Variants in CINP observed in about 807,000 individuals in gnomAD.
CINP encodes cyclin-dependent kinase 2-interacting protein.
In CINP, 11 loss-of-function variants were observed where a neutral mutation model predicts 20.5. That is an observed-to-expected ratio of 0.54 (90% CI 0.34 to 0.89). CINP has a LOEUF of 0.89. Among genes scored for constraint, CINP ranks in the 40% least tolerant of loss-of-function variants. The pLI is 0.02. For synonymous variants in CINP, 108 were observed against 102.1 expected, an observed-to-expected ratio of 1.06 and a Z score of -0.35; for missense variants, 213 against 251.0, an observed-to-expected ratio of 0.85 and a Z score of 1.02.
intron 3 of CINP, among the ~76,000 whole-genome samples, chr14:102,354,965 A>T (rs1224726525): frequency 6.6e-6 from 1 of 151,520 alleles, no homozygotes; most frequent in Non-Finnish European, 1.5e-5. Context: ...GCTACCTGGG[A>T]GGCTAAGGCA....
At chr14:102,354,276 A>G (rs1239154662) in intron 3 of CINP, among the ~76,000 whole-genome samples, 1 of 152,192 alleles carries the variant, frequency 6.6e-6, no homozygotes, top group African/African-American at 2.4e-5. Context: ...TTAGTCTCTT[A>G]CGTGCTGTAT....
At chr14:102,362,767 A>G (rs1887200157) in intron 1 of CINP, 78 bp downstream of exon 1, 2 of 1,583,572 alleles carry the variant, frequency 1.3e-6, no homozygotes, top group African/African-American at 1.3e-5. Context: ...GGAGCTCCTG[A>G]GCTTCTGGTC....
rs754519048 is a variant in CINP at position 102,351,575 on chromosome 14, A to T, written c.307-1527T>A. Among the ~76,000 whole-genome samples, 3 of 152,226 alleles carry T rather than the reference A, an allele frequency of 2.0e-5. No individual in the cohort carries two copies. Among genetic ancestry groups the T allele is most frequent in the Non-Finnish European group, 4.4e-5 (3 of 68,038 alleles). On this transcript the variant is annotated intron_variant, in intron 3 of 4. Coordinates refer to ENST00000216756, the MANE Select transcript of CINP (RefSeq NM_032630.3). This position sits in a 1 kb window ranked among gnomAD's most constrained non-coding sequence, Gnocchi z 4.2. Reference sequence around the variant, plus strand: ...AGTTGACTTTACATACATAAATATGAAAAAGGGGAAATAAGAAAAGATATA... The same window carrying T: ...AGTTGACTTTACATACATAAATATGTAAAAGGGGAAATAAGAAAAGATATA...
In CINP at chr14:102,356,264, T is replaced by C. The variant is rs1481192838; in HGVS notation, c.177-367A>G. Among the ~76,000 whole-genome samples, 104 of 151,836 alleles carry C rather than the reference T, an allele frequency of 6.8e-4. 1 individual carries two copies. On this transcript the variant is annotated intron_variant, in intron 2 of 4. Coordinates refer to ENST00000216756, the MANE Select transcript of CINP (RefSeq NM_032630.3). ...ACCTCATCTCCACAAAAATTAAAAG[T>C]AAAAATTAGCTGGGCATGGTGGGAC...
rs1567305873 is a variant in CINP, at chr14:102,355,823, T to C, written c.251A>G (p.Tyr84Cys). 1 of 1,614,228 alleles carries C rather than the reference T, an allele frequency of 6.2e-7. No individual in the cohort carries two copies. Among genetic ancestry groups the C allele is most frequent in the Non-Finnish European group, 8.5e-7 (1 of 1,180,026 alleles). Residue 84 changes from tyrosine (Y) to cysteine (C), a missense_variant, in exon 3 of 5, where the codon TAT (tyrosine) becomes TGT (cysteine). Physicochemically the swap from Tyr to Cys is radical, Grantham distance 194. Coordinates refer to ENST00000216756, the MANE Select transcript of CINP (RefSeq NM_032630.3). ...KENEEKVCLEYNEELEKLCEE... is the reference protein window; with the variant it reads ...KENEEKVCLECNEELEKLCEE... ...ACACAGCTTCTCCAGTTCCTCGTTA[T>C]ATTCCAGACACACCTTTTCTTCATT...
At chr14:102,352,447 G>A (rs1461445190) in intron 3 of CINP, 2 of 453,512 alleles carry the variant, frequency 4.4e-6, no homozygotes, top group Non-Finnish European at 8.8e-6. Context: ...TCTTCCCACA[G>A]CAAACACAGA....
intron 3 of CINP, among the ~76,000 whole-genome samples, chr14:102,353,114 G>A (rs1391566656): frequency 6.6e-6 from 1 of 150,466 alleles, no homozygotes; most frequent in Admixed American, 6.6e-5. Flanking sequence ...TCCAGCCTGG[G>A]CAACAAGAGT....
intron 1 of CINP, among the ~76,000 whole-genome samples, chr14:102,361,366 G>A (rs1214412464): frequency 2.0e-5 from 3 of 152,196 alleles, no homozygotes; most frequent in Admixed American, 2.0e-4. Context: ...TGGACCGAGG[G>A]CAGTGGCTCA....
chr14:102,357,247 C>T (rs1005279953), intron 2 of CINP, among the ~76,000 whole-genome samples: 13 of 151,846 alleles, frequency 8.6e-5, no homozygotes, highest in East Asian at 1.9e-4. Flanking sequence ...CTGGGCGTGG[C>T]GGTGTGCACC....
At chr14:102,359,317 TTGC>T in intron 2 of CINP, 99 bp downstream of exon 2, 1 of 758,322 alleles carries the variant, frequency 1.3e-6, no homozygotes, top group Non-Finnish European at 2.0e-6. Context: ...ATCTTACCAC[TTGC>T]TTTTTTTGCT....
chr14:102,348,739 A>G lies in CINP; in HGVS notation c.457T>C (p.Leu153=). The change falls in exon 5 of 5, where the codon TTG becomes CTG. Residue 153 remains leucine (L), a synonymous_variant. Transcript: ENST00000216756. ...AGCAGCTCCTTCCTGTACATCTCCAAGAGCTTATGCGAAACCTCATCTGAA... is the reference window on the plus strand; with the variant it reads ...AGCAGCTCCTTCCTGTACATCTCCAGGAGCTTATGCGAAACCTCATCTGAA... ...THFYEVSHKL[L]EMYRKELLLK... 3.7e-6 allele frequency: 6 copies of G among 1,613,752 alleles called. No individual in the cohort carries two copies. Among genetic ancestry groups the G allele is most frequent in the Non-Finnish European group, 5.1e-6 (6 of 1,179,846 alleles).
chr14:102,362,311 T>C (rs948179408), intron 1 of CINP, among the ~76,000 whole-genome samples: 1 of 152,168 alleles, frequency 6.6e-6, no homozygotes, highest in Non-Finnish European at 1.5e-5. Flanking sequence ...AAGTTACTTA[T>C]CCCCTCTGAG....
At chr14:102,349,733 C>T (rs1373025134) in intron 4 of CINP, among the ~76,000 whole-genome samples, 186 bp downstream of exon 4, 1 of 152,178 alleles carries the variant, frequency 6.6e-6, no homozygotes, top group African/African-American at 2.4e-5. Flanking sequence ...TTCATATACT[C>T]TGCTGATAAC....
chr14:102,359,223 ACTAAATATATATATATAT>A (rs963263402), intron 2 of CINP, among the ~76,000 whole-genome samples, 178 bp downstream of exon 2: 73 of 53,900 alleles, frequency 1.4e-3, no homozygotes, highest in Non-Finnish European at 2.8e-3. Flanking sequence ...TAAATAAATA[ACTAAATATATATATATAT>A]ATATATATAT....
chr14:102,353,827 A>C (rs1886930402), intron 3 of CINP, among the ~76,000 whole-genome samples: 1 of 149,014 alleles, frequency 6.7e-6, no homozygotes, highest in Non-Finnish European at 1.5e-5. Flanking sequence ...CAGGGCTCAC[A>C]CCTGTGATCC....
At chr14:102,359,744 A>G (rs1597751383) in intron 1 of CINP, 157 bp from the exon 2 acceptor site, 4 of 495,074 alleles carry the variant, frequency 8.1e-6, no homozygotes, top group Middle Eastern at 1.1e-3. Flanking sequence ...TGAATGTGAA[A>G]GTTCCTGGAA....
intron 3 of CINP, 194 bp downstream of exon 3, chr14:102,355,574 G>A (rs989794684): frequency 8.0e-5 from 43 of 540,446 alleles, no homozygotes; most frequent in Admixed American, 1.4e-4. Flanking sequence ...ACATTTCCCC[G>A]GATGACGCAC....
chr14:102,351,894 GT>G lies in CINP; in HGVS notation c.307-1847del, dbSNP rs904749244. The stretch of plus-strand genomic sequence containing the variant: ...TTTTTTTGTTTTTGTTTTTGTTTTT[GT>G]TTTTTTTGAGACAGAGTCTCGCTTT... On this transcript the variant is annotated intron_variant, in intron 3 of 4. Transcript: ENST00000216756. This position sits in a 1 kb window ranked among gnomAD's most constrained non-coding sequence, Gnocchi z 4.2. Among the ~76,000 whole-genome samples the G allele has an allele frequency of 1.1e-3, 165 of 151,678 alleles. 1 individual carries two copies. Among genetic ancestry groups the G allele is most frequent in the African/African-American group, 3.7e-3 (154 of 41,352 alleles).
At chr14:102,355,546 G>T in intron 3 of CINP, 1 of 463,460 alleles carries the variant, frequency 2.2e-6, no homozygotes, top group Non-Finnish European at 3.8e-6. Context: ...ACTATGTGAT[G>T]AGCCCTGAAA....
Sources: gnomAD v4.1 joint callset for allele counts (sites outside exome capture counted in the v4.1 genomes callset) on GRCh38, gnomAD v4.1.1 for gene constraint, Gnocchi (gnomAD v3.1) non-coding constraint, MANE v1.5 for transcripts, NCBI Gene and HGNC (gene_info 2026-07-23, HGNC 2026-07-21) for gene names.